PKP2: variants seen among roughly 807,000 people sequenced by gnomAD.
PKP2 encodes plakophilin-2.
Under a neutral mutation model 83.4 loss-of-function variants are expected in PKP2, and 73 were observed. That is an observed-to-expected ratio of 0.88 (90% CI 0.72 to 1.06). PKP2 has a LOEUF of 1.06. Among genes scored for constraint, PKP2 ranks in the 50% least tolerant of loss-of-function variants. PKP2 has a pLI of 0.00. For missense variants in PKP2, 966 were observed against 1,065.4 expected, an observed-to-expected ratio of 0.91 and a Z score of 1.30; for synonymous variants, 409 against 430.4, an observed-to-expected ratio of 0.95 and a Z score of 0.62.
chr12:32,798,462 A>C lies in PKP2; in HGVS notation c.2168-2164T>G, dbSNP rs145271759. ...CTATGTATATAACTTCTTGGTTATA[A>C]GTTTTGAGTTTGGCTTTTTTTTTTT... On this transcript the variant is annotated intron_variant, in intron 10 of 12. Coordinates refer to ENST00000340811, the MANE Select transcript of PKP2 (RefSeq NM_001005242.3). Among the ~76,000 whole-genome samples the C allele has an allele frequency of 1.9e-4, 29 of 150,376 alleles. No homozygotes were observed. The East Asian group carries it at 5.6e-3, about 29-fold the overall frequency.
intron 6 of PKP2, among the ~76,000 whole-genome samples, chr12:32,829,071 G>A (rs991652987): frequency 6.6e-6 from 1 of 151,972 alleles, no homozygotes; most frequent in African/African-American, 2.4e-5. Flanking sequence ...GAGTAGGTGC[G>A]ACTATAGGCA....
chr12:32,859,806 A>G (rs1956783164), intron 4 of PKP2, among the ~76,000 whole-genome samples: 3 of 152,180 alleles, frequency 2.0e-5, no homozygotes, highest in Admixed American at 6.6e-5. Context: ...CAAATATAAG[A>G]AAATTTCTAT....
chr12:32,807,634 G>GTACT (rs1956238355), intron 9 of PKP2, among the ~76,000 whole-genome samples: 1 of 152,114 alleles, frequency 6.6e-6, no homozygotes, highest in Non-Finnish European at 1.5e-5. Flanking sequence ...ACTGGTCTGT[G>GTACT]TACTTCAGTG....
At chr12:32,896,291 A>T (rs957841669) in intron 1 of PKP2, among the ~76,000 whole-genome samples, 7 of 152,214 alleles carry the variant, frequency 4.6e-5, no homozygotes, top group African/African-American at 1.7e-4. Flanking sequence ...GATATGTACA[A>T]TATTTAATAT....
chr12:32,861,459 A>AT (rs1306514086), intron 4 of PKP2, among the ~76,000 whole-genome samples: 1 of 152,244 alleles, frequency 6.6e-6, no homozygotes. Flanking sequence ...TTAATGGCAT[A>AT]TTAAACACAT....
At chr12:32,819,313 CAATAAAATAAAATAA>C (rs1201854178) in intron 9 of PKP2, among the ~76,000 whole-genome samples, 2 of 146,362 alleles carry the variant, frequency 1.4e-5, no homozygotes, top group African/African-American at 2.6e-5. Context: ...CAATACAATA[CAATAAAATAAAATAA>C]AATAAAATAA....
chr12:32,843,776 G>A (rs376135929), intron 5 of PKP2, among the ~76,000 whole-genome samples: 8 of 152,338 alleles, frequency 5.3e-5, no homozygotes, highest in East Asian at 1.9e-4. Context: ...GGCCCTGGAA[G>A]AGGGACAGAT....
At chr12:32,801,852 A>G (rs1313327906) in intron 10 of PKP2, among the ~76,000 whole-genome samples, 7 of 152,096 alleles carry the variant, frequency 4.6e-5, no homozygotes, top group Admixed American at 2.6e-4. Flanking sequence ...AATATGTCTC[A>G]TCACAGTTAC....
intron 1 of PKP2, among the ~76,000 whole-genome samples, chr12:32,884,721 TTAGTC>T (rs1214688910): frequency 1.3e-5 from 2 of 152,146 alleles, no homozygotes; most frequent in East Asian, 3.9e-4. Flanking sequence ...TTTTCATGAA[TTAGTC>T]TATTCTAATA....
chr12:32,884,523 A>G (rs1957013528), intron 1 of PKP2, among the ~76,000 whole-genome samples: 1 of 152,202 alleles, frequency 6.6e-6, no homozygotes, highest in Non-Finnish European at 1.5e-5. Context: ...CCCATGCCAC[A>G]TAAAACTTAT....
At chr12:32,868,514 GTTGA>G (rs1358431847) in intron 4 of PKP2, among the ~76,000 whole-genome samples, 1 of 150,562 alleles carries the variant, frequency 6.6e-6, no homozygotes, top group African/African-American at 2.4e-5. Context: ...ACTGCACCCG[GTTGA>G]TTTTTTCTTT....
chr12:32,832,012 T>C (rs1420165280), intron 6 of PKP2, among the ~76,000 whole-genome samples: 2 of 152,210 alleles, frequency 1.3e-5, no homozygotes, highest in African/African-American at 4.8e-5. Context: ...TGAAGCTTAG[T>C]TCATAAAACA....
chr12:32,827,312 A>G (rs1033178594), intron 6 of PKP2, among the ~76,000 whole-genome samples: 1 of 152,220 alleles, frequency 6.6e-6, no homozygotes, highest in African/African-American at 2.4e-5. Context: ...CAGAAAGTGC[A>G]TGGAACCCCA....
chr12:32,881,314 C>T (rs1956984069), intron 1 of PKP2, among the ~76,000 whole-genome samples: 1 of 152,166 alleles, frequency 6.6e-6, no homozygotes, highest in African/African-American at 2.4e-5. Context: ...CTCCTGTTTC[C>T]AGGGGCTTGA....
rs1258853212 is a variant in PKP2, at chr12:32,824,168, AG to A, written c.1557-7del. ...CGCCAGCAGAACTCATGTTTCTATC[AG>A]AAAAAACAAAAAACAAAAAAGTAAG... is the stretch of plus-strand genomic sequence containing the variant. On this transcript the variant is annotated splice_polypyrimidine_tract_variant and splice_region_variant and intron_variant, in intron 6 of 12. Coordinates refer to ENST00000340811, the MANE Select transcript of PKP2 (RefSeq NM_001005242.3). 1 of 1,599,420 alleles carries A rather than the reference AG, an allele frequency of 6.3e-7. No individual in the cohort carries two copies. The highest frequency in any genetic ancestry group is 1.3e-5 in the African/African-American group (1 of 74,688).
chr12:32,879,350 T>C (rs557762620), intron 1 of PKP2, among the ~76,000 whole-genome samples: 1 of 152,212 alleles, frequency 6.6e-6, no homozygotes, highest in East Asian at 1.9e-4. Context: ...CTGGCCAACA[T>C]GGCGAAACCC....
chr12:32,866,875 A>G (rs1956854161), intron 4 of PKP2, among the ~76,000 whole-genome samples: 1 of 152,238 alleles, frequency 6.6e-6, no homozygotes, highest in Non-Finnish European at 1.5e-5. Flanking sequence ...ACAAATGTTC[A>G]CGGTAGCTTT....
At chr12:32,866,204 AGAATT>A (rs1956847369) in intron 4 of PKP2, among the ~76,000 whole-genome samples, 1 of 152,198 alleles carries the variant, frequency 6.6e-6, no homozygotes, top group Admixed American at 6.5e-5. Context: ...AATGGGCAAA[AGAATT>A]GAATACACAT....
At chr12:32,849,024 A>G (rs975392128) in intron 5 of PKP2, among the ~76,000 whole-genome samples, 69 of 150,324 alleles carry the variant, frequency 4.6e-4, no homozygotes, top group African/African-American at 1.7e-3. Context: ...AAAAAAAAAA[A>G]CCTCTTCTAT....
Sources: gnomAD v4.1 joint callset for allele counts (sites outside exome capture counted in the v4.1 genomes callset) on GRCh38, gnomAD v4.1.1 for gene constraint, MANE v1.5 for transcripts, NCBI Gene and HGNC (gene_info 2026-07-23, HGNC 2026-07-21) for gene names.